NAP1L1: variants seen among roughly 807,000 people sequenced by gnomAD.
NAP1L1 encodes the protein nucleosome assembly protein 1-like 1.
Under a neutral mutation model 58.9 loss-of-function variants are expected in NAP1L1, and 9 were observed. The observed-to-expected ratio is 0.15, with a 90% CI of 0.09 to 0.27. The LOEUF is 0.27. NAP1L1 is among the 10% of genes least tolerant of loss of function. The probability of loss-of-function intolerance (pLI) is 1.00; values close to 1 mark genes in which losing one functional copy is unlikely to be tolerated. For missense variants in NAP1L1, 302 were observed against 458.8 expected (o/e 0.66, Z 3.12); for synonymous variants, 130 against 138.3 (o/e 0.94, Z 0.42).
chr12:76,068,779 CTAG>C (rs1168356386), intron 3 of NAP1L1, 127 bp downstream of exon 3: 56 of 643,670 alleles, frequency 8.7e-5, no homozygotes, highest in Non-Finnish European at 1.4e-4. Context: ...CACACACACA[CTAG>C]AAGTATGGAC....
Position 76,068,993 on chromosome 12 carries a change from T to C in NAP1L1, c.19A>G (p.Lys7Glu). The change falls in exon 3 of 15, where the codon AAA becomes GAA. Residue 7 changes from lysine to glutamate, a missense_variant and splice_region_variant. Physicochemically the swap from Lys to Glu is moderately conservative, Grantham distance 56 (BLOSUM62 1). Coordinates refer to ENST00000618691, the MANE Select transcript of NAP1L1 (RefSeq NM_004537.7). MADIDN[K>E]EQSELDQDLD... ...TCTTGATCAAGTTCAGACTGTTCTT[T>C]GCTATAATATCATAGTATCACACCA... 6.2e-7 allele frequency: 1 copy of C among 1,607,580 alleles called. No individual in the cohort carries two copies. Among genetic ancestry groups the C allele is most frequent in the Non-Finnish European group, 8.5e-7 (1 of 1,175,762 alleles).
chr12:76,066,231 AG>A (rs1949666569), intron 4 of NAP1L1, among the ~76,000 whole-genome samples: 1 of 151,966 alleles, frequency 6.6e-6, no homozygotes, highest in Non-Finnish European at 1.5e-5. Context: ...TAGACTCTAA[AG>A]GGATTTAAGA....
At chr12:76,081,257 A>G (rs1230678711) in intron 1 of NAP1L1, among the ~76,000 whole-genome samples, 9 of 152,148 alleles carry the variant, frequency 5.9e-5, no homozygotes, top group Non-Finnish European at 7.4e-5. Context: ...TTATCTAACC[A>G]CTCCACACCT....
chr12:76,053,003 C>T, intron 11 of NAP1L1, 88 bp downstream of exon 11: 1 of 1,302,028 alleles, frequency 7.7e-7, no homozygotes, highest in Non-Finnish European at 1.1e-6. Flanking sequence ...CTCAATGTAA[C>T]AACCATCCCA....
At chr12:76,058,190 C>T in intron 6 of NAP1L1, 1 of 361,894 alleles carries the variant, frequency 2.8e-6, no homozygotes. Flanking sequence ...GGGAGAGAGG[C>T]CTACATATAT....
intron 13 of NAP1L1, chr12:76,049,510 CA>C: frequency 1.3e-6 from 2 of 1,535,636 alleles, no homozygotes; most frequent in Non-Finnish European, 1.7e-6. Context: ...TTGACTTCTT[CA>C]AAGAGCTGAT....
intron 3 of NAP1L1, chr12:76,068,642 C>T: frequency 3.3e-6 from 1 of 303,260 alleles, no homozygotes. Context: ...TCATGGGCAG[C>T]TGTTTGACAC....
In NAP1L1 at chr12:76,048,427, C is replaced by T; in HGVS notation, c.*2G>A. The stretch of plus-strand genomic sequence containing the variant: ...TATCCTCAAGGCCACATACATCCTG[C>T]TTCACTGCTGCTTGCACTCTGCTGG... On this transcript the variant is annotated 3_prime_UTR_variant, in exon 15 of 15. Coordinates refer to ENST00000618691, the MANE Select transcript of NAP1L1 (RefSeq NM_004537.7). The T allele has an allele frequency of 6.2e-7, 1 of 1,613,434 alleles. No homozygotes were observed. The highest frequency in any genetic ancestry group is 8.5e-7 in the Non-Finnish European group (1 of 1,179,654).
At position 76,046,618 on chromosome 12, in the gene NAP1L1, C is replaced by A. The variant is rs1007723891; in HGVS notation, c.*1811G>T. 1 of 152,388 alleles carries A rather than the reference C, an allele frequency of 6.6e-6. No homozygotes were observed. The highest frequency in any genetic ancestry group is 2.4e-5 in the African/African-American group (1 of 41,408). The allele number at this position is 152,388 out of a possible 1,614,324, so 9.4% of individuals were successfully genotyped here. A position where few individuals can be genotyped will look rare whatever the true frequency, so the allele number is the denominator to read the frequency against. On this transcript the variant is annotated 3_prime_UTR_variant, in exon 15 of 15. Transcript: ENST00000618691. ...AATCTCAGGAGAGGAATGGATAGCA[C>A]TACAAACAATGTGTTCACATTCCAA...
chr12:76,059,914 C>A, intron 5 of NAP1L1, 36 bp from the exon 6 acceptor site: 1 of 1,470,016 alleles, frequency 6.8e-7, no homozygotes, highest in Non-Finnish European at 9.3e-7. Context: ...TGTATAAAAA[C>A]ACTGGCATCC....
At chr12:76,053,957 T>A (rs555106829) in intron 8 of NAP1L1, 48 bp from the exon 9 acceptor site, 1 of 1,549,346 alleles carries the variant, frequency 6.5e-7, no homozygotes, top group East Asian at 2.3e-5. Context: ...CCTCACATAT[T>A]TCAGTACTTT....
intron 1 of NAP1L1, among the ~76,000 whole-genome samples, chr12:76,075,240 C>G (rs1950129285): frequency 1.3e-5 from 2 of 152,102 alleles, no homozygotes; most frequent in South Asian, 2.1e-4. Flanking sequence ...CCCAGCTGCC[C>G]AAGAGACAGG....
chr12:76,043,876 G>C lies in NAP1L1; in HGVS notation c.*4553C>G, dbSNP rs1201362912. 6.6e-6 allele frequency: 1 copy of C among 152,190 alleles called. No homozygotes were observed. Among genetic ancestry groups the C allele is most frequent in the Non-Finnish European group, 1.5e-5 (1 of 68,046 alleles). 9.4% of individuals were successfully genotyped at this position (152,190 alleles called of 1,614,324 possible). ...GAGCCGCAATTGCCTAATACATTAT[G>C]AATGATAAAATTATGAATAAGACCT... On this transcript the variant is annotated 3_prime_UTR_variant, in exon 15 of 15. Transcript: ENST00000618691.
chr12:76,078,365 A>G (rs532906547), intron 1 of NAP1L1, among the ~76,000 whole-genome samples: 13 of 152,150 alleles, frequency 8.5e-5, no homozygotes, highest in Non-Finnish European at 1.8e-4. Context: ...ACTTAAAATG[A>G]TCTGTCCCTG....
At chr12:76,079,146 A>G (rs1367859903) in intron 1 of NAP1L1, among the ~76,000 whole-genome samples, 1 of 152,246 alleles carries the variant, frequency 6.6e-6, no homozygotes, top group Non-Finnish European at 1.5e-5. Context: ...TCTCTTCAAT[A>G]AGACACTAAA....
chr12:76,066,230 A>T (rs1414737662), intron 4 of NAP1L1, among the ~76,000 whole-genome samples: 8 of 151,948 alleles, frequency 5.3e-5, no homozygotes, highest in Non-Finnish European at 1.2e-4. Context: ...GTAGACTCTA[A>T]AGGGATTTAA....
rs1948618873 is a variant in NAP1L1 at position 76,046,870 on chromosome 12, G to A, written c.*1559C>T. On this transcript the variant is annotated 3_prime_UTR_variant, in exon 15 of 15. Transcript: ENST00000618691. ...TTAATGGCATCTTTTGTCAAAAATA[G>A]TCTTATTTCCACTTTAAGTCTCATG... 1 of 152,420 alleles carries A rather than the reference G, an allele frequency of 6.6e-6. No individual in the cohort carries two copies. The highest frequency in any genetic ancestry group is 2.4e-5 in the African/African-American group (1 of 41,428). 9.4% of individuals were successfully genotyped at this position (152,420 alleles called of 1,614,324 possible).
chr12:76,063,134 A>C (rs1189662513), intron 4 of NAP1L1, among the ~76,000 whole-genome samples: 1 of 152,208 alleles, frequency 6.6e-6, no homozygotes, highest in Non-Finnish European at 1.5e-5. Flanking sequence ...GCAACTTTTG[A>C]GGAAAATTTT....
At chr12:76,054,882 C>A in intron 8 of NAP1L1, 137 bp downstream of exon 8, 1 of 494,694 alleles carries the variant, frequency 2.0e-6, no homozygotes, top group Non-Finnish European at 3.5e-6. Context: ...TACTGCCTCA[C>A]AATTAGCAGC....
Sources: allele counts gnomAD v4.1 joint callset (sites outside exome capture counted in the v4.1 genomes callset), GRCh38; gene constraint gnomAD v4.1.1; transcripts MANE v1.5; gene names NCBI Gene and HGNC (gene_info 2026-07-23, HGNC 2026-07-21).